The following SETBP1 variants were observed in gnomAD, a reference collection of about 807,000 sequenced individuals.
SETBP1 encodes the protein SET-binding protein.
Under a neutral mutation model 101.0 loss-of-function variants are expected in SETBP1, and 9 were observed. The ratio of observed to expected loss-of-function variants is 0.09; its 90% confidence interval spans 0.05 to 0.16. The LOEUF is 0.16. SETBP1 is among the 10% of genes least tolerant of loss of function. The probability of loss-of-function intolerance (pLI) is 1.00; values close to 1 mark genes in which losing one functional copy is unlikely to be tolerated. For synonymous variants in SETBP1, 818 were observed against 788.5 expected (o/e 1.04, Z -0.63); for missense variants, 1,858 against 2,033.8 (o/e 0.91, Z 1.66).
chr18:44,921,465 A>AG (rs1231208959), intron 3 of SETBP1, among the ~76,000 whole-genome samples: 1 of 152,070 alleles, frequency 6.6e-6, no homozygotes, highest in East Asian at 1.9e-4. Flanking sequence ...CATGTTGGAG[A>AG]GGCTAAAGGC....
chr18:44,868,016 G>T (rs775331769), intron 2 of SETBP1, among the ~76,000 whole-genome samples: 11 of 152,122 alleles, frequency 7.2e-5, no homozygotes, highest in Non-Finnish European at 1.0e-4. Flanking sequence ...ATCAAAATAA[G>T]CATCTGCCTT....
At chr18:44,925,767 A>G (rs892139042) in intron 3 of SETBP1, among the ~76,000 whole-genome samples, 1 of 152,202 alleles carries the variant, frequency 6.6e-6, no homozygotes, top group African/African-American at 2.4e-5. Context: ...ACCTCCATTT[A>G]TATAGTTTTT....
At chr18:44,723,768 G>A (rs936432259) in intron 2 of SETBP1, among the ~76,000 whole-genome samples, 3 of 152,204 alleles carry the variant, frequency 2.0e-5, no homozygotes, top group African/African-American at 7.2e-5. Flanking sequence ...GGCTGGCAGT[G>A]GGGGTGGGGA....
At chr18:44,779,713 G>C (rs991454204) in intron 2 of SETBP1, among the ~76,000 whole-genome samples, 3 of 152,086 alleles carry the variant, frequency 2.0e-5, no homozygotes, top group African/African-American at 7.2e-5. Flanking sequence ...GACACGCTTG[G>C]AGTCTATGTG....
chr18:44,900,068 G>A (rs146261494), intron 3 of SETBP1, among the ~76,000 whole-genome samples: 22 of 152,288 alleles, frequency 1.4e-4, no homozygotes, highest in African/African-American at 4.3e-4. Flanking sequence ...TAAAAAACAG[G>A]TGATACAATT....
At chr18:44,826,465 G>T (rs936799134) in intron 2 of SETBP1, among the ~76,000 whole-genome samples, 1 of 152,164 alleles carries the variant, frequency 6.6e-6, no homozygotes, top group Admixed American at 6.5e-5. Flanking sequence ...CAGTGGCTGG[G>T]CTCCCAGGTT....
intron 4 of SETBP1, among the ~76,000 whole-genome samples, chr18:45,010,613 A>G (rs1156473510): frequency 6.6e-6 from 1 of 152,226 alleles, no homozygotes; most frequent in Non-Finnish European, 1.5e-5. Flanking sequence ...GATGGTTCTC[A>G]TTGGTGTTAC....
intron 4 of SETBP1, among the ~76,000 whole-genome samples, chr18:45,013,145 T>G (rs2072873192): frequency 6.6e-6 from 1 of 152,252 alleles, no homozygotes; most frequent in African/African-American, 2.4e-5. Context: ...GAGAGCAGGA[T>G]GCTGAGTCTG....
intron 3 of SETBP1, among the ~76,000 whole-genome samples, chr18:44,923,805 A>G (rs1324834853): frequency 2.0e-5 from 3 of 152,226 alleles, no homozygotes; most frequent in African/African-American, 7.2e-5. Flanking sequence ...TATGCAGTAC[A>G]TTGAAACCCA....
rs541432157 is a variant in SETBP1, at chr18:44,845,500, G to A, written c.487-23730G>A. ...GATGCCCTTCTGCACTCAGTCTCTG[G>A]TCTCTGGGTGATTAATTTCCTTGTT... On this transcript the variant is annotated intron_variant, in intron 2 of 5. Transcript: ENST00000649279. Among the ~76,000 whole-genome samples, 24 of 152,320 alleles carry A rather than the reference G, an allele frequency of 1.6e-4. 1 individual carries two copies. The South Asian group carries it at 4.6e-3, about 29-fold the overall frequency.
chr18:44,982,991 A>G (rs2072148561), intron 4 of SETBP1, among the ~76,000 whole-genome samples: 1 of 152,170 alleles, frequency 6.6e-6, no homozygotes, highest in African/African-American at 2.4e-5. Context: ...TATAACTGCA[A>G]TTATGGTATG....
Position 44,952,455 on chromosome 18 carries a change from A to G in SETBP1, c.3115A>G (p.Ser1039Gly). The part of the protein sequence containing the change: ...MTKVPFLQGF[S>G]YPIPSGSYYA... ...AAAGGTGCCTTTTTTACAAGGGTTCAGCTACCCTATTCCCAGTGGAAGTTA... is the reference window on the plus strand; with the variant it reads ...AAAGGTGCCTTTTTTACAAGGGTTCGGCTACCCTATTCCCAGTGGAAGTTA... Residue 1039 changes from serine to glycine, a missense_variant, in exon 4 of 6, where the codon AGC becomes GGC. Transcript: ENST00000649279. 6.2e-7 allele frequency: 1 copy of G among 1,614,162 alleles called. No homozygotes were observed.
chr18:44,878,909 G>A (rs538461112), intron 3 of SETBP1, among the ~76,000 whole-genome samples: 47 of 152,282 alleles, frequency 3.1e-4, no homozygotes, highest in African/African-American at 1.1e-3. Context: ...GCTTGCTTGT[G>A]TTTGGAGGCT....
intron 4 of SETBP1, among the ~76,000 whole-genome samples, chr18:45,014,137 A>G (rs1396091307): frequency 5.3e-5 from 8 of 152,348 alleles, no homozygotes; most frequent in Non-Finnish European, 1.0e-4. Flanking sequence ...TGCCTGCTGT[A>G]CAATCAGCAG....
At chr18:44,839,196 G>A (rs2072561291) in intron 2 of SETBP1, among the ~76,000 whole-genome samples, 1 of 152,208 alleles carries the variant, frequency 6.6e-6, no homozygotes, top group South Asian at 2.1e-4. Flanking sequence ...AGCTGGCAGT[G>A]TCTTAAACAG....
At chr18:44,886,009 T>C (rs1466289493) in intron 3 of SETBP1, among the ~76,000 whole-genome samples, 2 of 152,134 alleles carry the variant, frequency 1.3e-5, no homozygotes, top group African/African-American at 4.8e-5. Context: ...GCTTCATACC[T>C]GCTTTACTGG....
intron 4 of SETBP1, among the ~76,000 whole-genome samples, chr18:44,958,605 TGG>T (rs775248440): frequency 6.6e-6 from 1 of 152,110 alleles, no homozygotes; most frequent in Non-Finnish European, 1.5e-5. Context: ...CATATTTAAT[TGG>T]GTGAAGAGCT....
rs1292543210 is a variant in SETBP1, at chr18:44,701,432, C to A, written c.86C>A (p.Ala29Asp). 6.2e-7 allele frequency: 1 copy of A among 1,604,798 alleles called. No individual in the cohort carries two copies. The highest frequency in any genetic ancestry group is 1.7e-5 in the Admixed American group (1 of 58,458). Residue 29 changes from alanine (A) to aspartate (D), a missense_variant, in exon 2 of 6, where the codon GCT (alanine) becomes GAT (aspartate). By Grantham distance (126) the Ala-to-Asp change is moderately radical (BLOSUM62 -2). Coordinates refer to ENST00000649279, the MANE Select transcript of SETBP1 (RefSeq NM_015559.3). ...FLPVSSAKPP[A>D]APGCAGEPLL... The stretch of plus-strand genomic sequence containing the variant: ...CCGGTCTCCTCAGCCAAGCCCCCAG[C>A]TGCTCCTGGCTGTGCAGGAGAACCT...
At chr18:44,786,010 C>G (rs1373557057) in intron 2 of SETBP1, among the ~76,000 whole-genome samples, 1 of 152,166 alleles carries the variant, frequency 6.6e-6, no homozygotes, top group African/African-American at 2.4e-5. Flanking sequence ...TTACATATGA[C>G]CTTCTCTGTT....
Sources: gnomAD v4.1 joint callset for allele counts (sites outside exome capture counted in the v4.1 genomes callset) on GRCh38, gnomAD v4.1.1 for gene constraint, MANE v1.5 for transcripts, NCBI Gene and HGNC (gene_info 2026-07-23, HGNC 2026-07-21) for gene names.